LRRC37A2: variants seen among roughly 807,000 people sequenced by gnomAD.
LRRC37A2 encodes the protein leucine rich repeat containing 37 member A2, also known as leucine-rich repeat-containing protein 37A2.
In LRRC37A2, 9 loss-of-function variants were observed where a neutral mutation model predicts 68.8. The ratio of observed to expected loss-of-function variants is 0.13; its 90% CI spans 0.08 to 0.23. LRRC37A2 has a LOEUF of 0.23. Ranked by LOEUF, LRRC37A2 falls within the 10% of genes least tolerant of loss-of-function variation. The pLI is 1.00. For missense variants in LRRC37A2, 168 were observed against 950.4 expected, an observed-to-expected ratio of 0.18 and a Z score of 10.82; for synonymous variants, 63 against 367.6, an observed-to-expected ratio of 0.17 and a Z score of 9.48.
chr17:46,807,882 T>G, the LRRC37A2 span, among the ~76,000 whole-genome samples: 1 of 152,154 alleles, frequency 6.6e-6, no homozygotes, highest in African/African-American at 2.4e-5. Context: ...GCATGCTTTA[T>G]CAGAAAGGAG....
the LRRC37A2 span, chr17:46,978,878 G>C: frequency 1.3e-6 from 2 of 1,559,016 alleles, no homozygotes; most frequent in Non-Finnish European, 1.7e-6. Flanking sequence ...GCGGCCAGCG[G>C]TGCGCCCCCT....
At chr17:46,457,905 ATTCATAGAGATTT>A in the LRRC37A2 span, among the ~76,000 whole-genome samples, 1 of 48,214 alleles carries the variant, frequency 2.1e-5, no homozygotes, top group South Asian at 8.8e-4. Context: ...ATACATACAT[ATTCATAGAGATTT>A]ATCATAAGGA....
At chr17:46,836,392 G>A in the LRRC37A2 span, among the ~76,000 whole-genome samples, 57 of 152,148 alleles carry the variant, frequency 3.7e-4, no homozygotes, top group Non-Finnish European at 6.2e-4. Context: ...GGACCCAGAA[G>A]GAAAGTGGAG....
At chr17:47,012,603 T>C in the LRRC37A2 span, among the ~76,000 whole-genome samples, 1 of 152,074 alleles carries the variant, frequency 6.6e-6, no homozygotes, top group Non-Finnish European at 1.5e-5. Flanking sequence ...AGATATACAA[T>C]GGCCAATAAG....
At chr17:46,876,280 C>T in the LRRC37A2 span, 21 of 1,613,556 alleles carry the variant, frequency 1.3e-5, no homozygotes, top group South Asian at 2.2e-5. Context: ...CGTGTAAGTG[C>T]CATGGCGTAT....
chr17:46,721,469 G>T, the LRRC37A2 span: 2 of 687,518 alleles, frequency 2.9e-6, no homozygotes, highest in Non-Finnish European at 5.1e-6. Flanking sequence ...CCCTATATAT[G>T]TATGTTGATA....
the LRRC37A2 span, among the ~76,000 whole-genome samples, chr17:47,013,104 A>T: frequency 6.6e-6 from 1 of 152,242 alleles, no homozygotes; most frequent in Non-Finnish European, 1.5e-5. Context: ...GCCAGATACA[A>T]AATGCCATGT....
At chr17:46,931,174 AG>A in the LRRC37A2 span, 1 of 1,604,594 alleles carries the variant, frequency 6.2e-7, no homozygotes, top group Admixed American at 1.7e-5. Flanking sequence ...TTGTCCAGCA[AG>A]GAGCCCCCTA....
chr17:47,021,589 G>T, the LRRC37A2 span: 118,354 of 516,566 alleles, frequency 0.23, 17,704 homozygotes, highest in East Asian at 0.64. Context: ...TACATTCAAA[G>T]TAATTAACTG....
the LRRC37A2 span, chr17:46,721,716 T>C: frequency 6.2e-7 from 1 of 1,606,638 alleles, no homozygotes; most frequent in South Asian, 1.1e-5. Context: ...ATGAGCCGGC[T>C]GCTATCTAGT....
At chr17:46,956,928 G>A in the LRRC37A2 span, among the ~76,000 whole-genome samples, 1 of 152,226 alleles carries the variant, frequency 6.6e-6, no homozygotes, top group African/African-American at 2.4e-5. Context: ...CCCCAAAAGA[G>A]TCAGGGAAAG....
the LRRC37A2 span, chr17:47,017,728 A>C: frequency 3.2e-5 from 52 of 1,610,718 alleles, no homozygotes; most frequent in South Asian, 2.1e-4. Context: ...CAGAAACAGA[A>C]TTTGCAGAAT....
the LRRC37A2 span, among the ~76,000 whole-genome samples, chr17:46,823,640 A>G: frequency 1.5e-3 from 230 of 152,224 alleles, no homozygotes; most frequent in Middle Eastern, 0.01. Flanking sequence ...GGGTTTCGCC[A>G]TGTTAGCCAA....
the LRRC37A2 span, among the ~76,000 whole-genome samples, chr17:46,458,531 C>CTTTTTTTTTTTTTT: frequency 2.5e-5 from 1 of 39,936 alleles, no homozygotes; most frequent in African/African-American, 9.7e-5. Flanking sequence ...TCTTCTTCTT[C>CTTTTTTTTTTTTTT]TTTTTTTTTT....
chr17:47,043,357 G>A, the LRRC37A2 span, among the ~76,000 whole-genome samples: 2 of 151,212 alleles, frequency 1.3e-5, no homozygotes, highest in Non-Finnish European at 3.0e-5. Context: ...GGGATGACAG[G>A]GCATGGTGGC....
At chr17:46,858,239 A>C in the LRRC37A2 span, among the ~76,000 whole-genome samples, 1 of 152,106 alleles carries the variant, frequency 6.6e-6, no homozygotes, top group Non-Finnish European at 1.5e-5. Flanking sequence ...AGTTCTTTAT[A>C]TATTTTGGAT....
the LRRC37A2 span, chr17:46,875,171 C>G: frequency 6.2e-7 from 1 of 1,614,032 alleles, no homozygotes; most frequent in African/African-American, 1.3e-5. Context: ...CCCGGGCCTG[C>G]AGCGCTGGGC....
At chr17:46,534,976 C>T (rs1392868778) in intron 6 of LRRC37A2, among the ~76,000 whole-genome samples, 1 of 149,858 alleles carries the variant, frequency 6.7e-6, no homozygotes, top group Non-Finnish European at 1.5e-5. Flanking sequence ...GACGGGGCGG[C>T]CAGGCAGAGA....
At chr17:46,970,519 G>A in the LRRC37A2 span, among the ~76,000 whole-genome samples, 2 of 119,430 alleles carry the variant, frequency 1.7e-5, no homozygotes, top group African/African-American at 3.3e-5. Flanking sequence ...TAGCCCAGGC[G>A]ACACAGACTC....
Sources: gnomAD v4.1 joint callset for allele counts (sites outside exome capture counted in the v4.1 genomes callset) on GRCh38, gnomAD v4.1.1 for gene constraint, MANE v1.5 for transcripts, NCBI Gene and HGNC (gene_info 2026-07-23, HGNC 2026-07-21) for gene names.